The following WASHC2C variants were observed in gnomAD, a reference collection of about 807,000 sequenced individuals.
WASHC2C encodes the protein Vaccinia Penetration Factor.
WASHC2C carries 73 observed loss-of-function variants against 142.2 expected under a neutral mutation model. The observed-to-expected ratio is 0.51, with a 90% CI of 0.43 to 0.62. The LOEUF (loss-of-function observed/expected upper bound fraction) is 0.62. WASHC2C is among the 20% of genes least tolerant of loss of function. The probability of loss-of-function intolerance (pLI) is 0.00; values close to 1 mark genes in which losing one functional copy is unlikely to be tolerated. For synonymous variants in WASHC2C, 337 were observed against 565.5 expected (o/e 0.60, Z 5.73); for missense variants, 969 against 1,531.7 (o/e 0.63, Z 6.13).
At chr10:45,731,557 C>G (rs1256175620) in intron 3 of WASHC2C, among the ~76,000 whole-genome samples, 6 of 148,622 alleles carry the variant, frequency 4.0e-5, no homozygotes, top group Non-Finnish European at 8.9e-5. Context: ...CCACTGCGCT[C>G]GGCCCTTAGT....
chr10:45,749,888 AT>A (rs2053383587), intron 8 of WASHC2C, among the ~76,000 whole-genome samples: 2 of 140,030 alleles, frequency 1.4e-5, no homozygotes, highest in South Asian at 2.2e-4. Flanking sequence ...TTTTATATAT[AT>A]TTTTATATAT....
At chr10:45,747,268 G>C (rs2052950550) in intron 8 of WASHC2C, among the ~76,000 whole-genome samples, 1 of 152,006 alleles carries the variant, frequency 6.6e-6, no homozygotes, top group African/African-American at 2.4e-5. Flanking sequence ...AGCCTCCCGA[G>C]TAGCTGGCAT....
At chr10:45,759,794 A>C (rs868992985) in intron 17 of WASHC2C, among the ~76,000 whole-genome samples, 1 of 151,298 alleles carries the variant, frequency 6.6e-6, no homozygotes, top group Non-Finnish European at 1.5e-5. Context: ...ACTCCAGTCT[A>C]GGCGACAGAG....
chr10:45,754,278 C>T (rs2053971592), intron 13 of WASHC2C, among the ~76,000 whole-genome samples: 1 of 152,220 alleles, frequency 6.6e-6, no homozygotes, highest in African/African-American at 2.4e-5. Context: ...ATTTGAGTCA[C>T]AGCTCAGATT....
At chr10:45,735,177 A>G (rs2051065347) in intron 3 of WASHC2C, among the ~76,000 whole-genome samples, 2 of 151,740 alleles carry the variant, frequency 1.3e-5, no homozygotes, top group Admixed American at 1.3e-4. Context: ...TGTCATGGTT[A>G]TCAATCTTTG....
Position 45,788,886 on chromosome 10 carries a change from A to G in WASHC2C, c.3103A>G (p.Arg1035Gly). The part of the protein sequence containing the change: ...HSANKSRVKM[R>G]GKRRPQTRAA... ...GCCGTTGCAGAGCCGTGTCAAGATG[A>G]GAGGGAAGCGTAGACCGCAGACCCG... is the stretch of plus-strand genomic sequence containing the variant. The change falls in exon 29 of 31, where the codon AGA (arginine) becomes GGA (glycine). Residue 1035 changes from arginine (R) to glycine (G), a missense_variant. By Grantham distance (125) the Arg-to-Gly change is moderately radical (BLOSUM62 -2). Transcript: ENST00000623400. 1 of 1,611,994 alleles carries G rather than the reference A, an allele frequency of 6.2e-7. No homozygotes were observed. The highest frequency in any genetic ancestry group is 8.5e-7 in the Non-Finnish European group (1 of 1,179,874).
At chr10:45,727,369 C>A (rs757141906) in intron 1 of WASHC2C, 48 bp from the exon 2 acceptor site, 3 of 1,606,410 alleles carry the variant, frequency 1.9e-6, no homozygotes, top group South Asian at 2.2e-5. Context: ...GGGCCGCCGT[C>A]CCTGCCGCCC....
At chr10:45,749,294 G>A (rs533357150) in intron 8 of WASHC2C, among the ~76,000 whole-genome samples, 1,825 of 151,330 alleles carry the variant, frequency 0.012, 21 homozygotes, top group Non-Finnish European at 0.02. Context: ...AATTAGCCGG[G>A]CGTGGTGGCG....
intron 20 of WASHC2C, chr10:45,771,501 G>A (rs1356641732): frequency 2.0e-6 from 2 of 984,496 alleles, no homozygotes; most frequent in African/African-American, 3.5e-5. Flanking sequence ...ACTGTATCCA[G>A]GTTAGCTTAT....
At chr10:45,739,369 G>A (rs2051693505) in intron 4 of WASHC2C, among the ~76,000 whole-genome samples, 1 of 148,796 alleles carries the variant, frequency 6.7e-6, no homozygotes, top group Admixed American at 6.7e-5. Flanking sequence ...AGGGGGAAAT[G>A]ACACTAAATA....
chr10:45,769,292 G>A (rs1229096833), intron 19 of WASHC2C, among the ~76,000 whole-genome samples, 157 bp from the exon 20 acceptor site: 1 of 150,960 alleles, frequency 6.6e-6, no homozygotes, highest in African/African-American at 2.4e-5. Flanking sequence ...TAATTTTCTT[G>A]TATTTTTAGT....
intron 9 of WASHC2C, among the ~76,000 whole-genome samples, chr10:45,750,482 T>C (rs555617050): frequency 6.6e-6 from 1 of 152,226 alleles, no homozygotes; most frequent in Admixed American, 6.5e-5. Flanking sequence ...CACCTTTTTC[T>C]TATTTTCGTA....
At chr10:45,730,257 G>T (rs1490443278) in intron 3 of WASHC2C, among the ~76,000 whole-genome samples, 1 of 129,816 alleles carries the variant, frequency 7.7e-6, no homozygotes, top group Admixed American at 7.9e-5. Context: ...TGAGGCAGGA[G>T]AATCGCTTGA....
At chr10:45,741,779 G>A (rs541732765) in intron 5 of WASHC2C, among the ~76,000 whole-genome samples, 41 of 150,482 alleles carry the variant, frequency 2.7e-4, no homozygotes, top group African/African-American at 9.8e-4. Context: ...GTGCAAGGGT[G>A]GAGCACTTTC....
rs543386380 is a variant in WASHC2C, at chr10:45,785,554, T to G, written c.2734T>G (p.Ser912Ala). The change falls in exon 26 of 31, where the codon TCT becomes GCT. Residue 912 changes from serine (S) to alanine (A), a missense_variant. By Grantham distance (99) the Ser-to-Ala change is moderately conservative (BLOSUM62 1). Transcript: ENST00000623400. Reference sequence around the variant, plus strand: ...AGTGAAAAAAGACCACTCTGTTAACTCTTTCAAAAACCAGAAACATCCTGA... The same window carrying G: ...AGTGAAAAAAGACCACTCTGTTAACGCTTTCAAAAACCAGAAACATCCTGA... ...RVVKKDHSVN[S>A]FKNQKHPESI... is the part of the protein sequence containing the mutation. 6.2e-7 allele frequency: 1 copy of G among 1,613,952 alleles called. No individual in the cohort carries two copies. The highest frequency in any genetic ancestry group is 1.1e-5 in the South Asian group (1 of 91,078).
intron 8 of WASHC2C, among the ~76,000 whole-genome samples, chr10:45,748,472 T>C (rs1298816049): frequency 1.3e-5 from 2 of 152,070 alleles, no homozygotes; most frequent in African/African-American, 4.8e-5. Flanking sequence ...GTATTTTTAG[T>C]GGAGATGGGG....
chr10:45,729,130 G>A, intron 3 of WASHC2C, 104 bp downstream of exon 3: 2 of 1,219,588 alleles, frequency 1.6e-6, no homozygotes, highest in Non-Finnish European at 2.2e-6. Context: ...GTGGAAGTGT[G>A]GTTCTTGGTA....
At chr10:45,752,276 T>G (rs2134662013) in intron 11 of WASHC2C, among the ~76,000 whole-genome samples, 1 of 152,408 alleles carries the variant, frequency 6.6e-6, no homozygotes, top group South Asian at 2.1e-4. Context: ...GGGGAATGGG[T>G]CTTGAATGTG....
Position 45,789,271 on chromosome 10 carries a change from T to A in WASHC2C, c.3488T>A (p.Val1163Glu). 1 of 1,612,030 alleles carries A rather than the reference T, an allele frequency of 6.2e-7. No individual in the cohort carries two copies. The highest frequency in any genetic ancestry group is 8.5e-7 in the Non-Finnish European group (1 of 1,179,852). The change falls in exon 29 of 31, where the codon GTG becomes GAG. Residue 1163 changes from valine to glutamate, a missense_variant. Coordinates refer to ENST00000623400, the MANE Select transcript of WASHC2C (RefSeq NM_001330074.2). ...KIAENPANPP[V>E]GGKAKSPMFP... ...GCAGAGAATCCTGCCAACCCACCAG[T>A]GGGTGGTAAAGCAAAGAGCCCCATG...
Sources: allele counts gnomAD v4.1 joint callset (sites outside exome capture counted in the v4.1 genomes callset), GRCh38; gene constraint gnomAD v4.1.1; transcripts MANE v1.5; gene names NCBI Gene and HGNC (gene_info 2026-07-23, HGNC 2026-07-21).